PPP2R3A: variants seen among roughly 807,000 people sequenced by gnomAD.
PPP2R3A encodes the protein protein phosphatase 2 regulatory subunit B''alpha, also known as serine/threonine-protein phosphatase 2A regulatory subunit B'' subunit alpha.
In PPP2R3A, 80 loss-of-function variants were observed where a neutral mutation model predicts 106.9. The observed-to-expected ratio is 0.75, with a 90% CI of 0.62 to 0.90. The LOEUF (loss-of-function observed/expected upper bound fraction) is 0.90, where lower values mean the gene tolerates loss of function less well. Among genes scored for constraint, PPP2R3A ranks in the 40% least tolerant of loss-of-function variants. PPP2R3A has a pLI of 0.00. For synonymous variants in PPP2R3A, 483 were observed against 468.3 expected (o/e 1.03, Z -0.41); for missense variants, 1,386 against 1,350.4 (o/e 1.03, Z -0.41).
chr3:136,127,768 G>C (rs1246153116), intron 13 of PPP2R3A, among the ~76,000 whole-genome samples: 1 of 152,188 alleles, frequency 6.6e-6, no homozygotes, highest in Non-Finnish European at 1.5e-5. Context: ...AGAGAGAAAG[G>C]TCGGGTTACC....
intron 10 of PPP2R3A, among the ~76,000 whole-genome samples, chr3:136,098,667 A>G (rs528667107): frequency 6.6e-6 from 1 of 152,346 alleles, no homozygotes; most frequent in African/African-American, 2.4e-5. Flanking sequence ...GAAATGAGAA[A>G]TAATAACAAA....
chr3:136,074,815 C>T (rs28509770), intron 6 of PPP2R3A, among the ~76,000 whole-genome samples: 1 of 152,052 alleles, frequency 6.6e-6, no homozygotes, highest in Non-Finnish European at 1.5e-5. Context: ...ACTGCTCACA[C>T]TAAGAGCTTA....
chr3:136,124,016 A>G (rs1938092584), intron 13 of PPP2R3A, among the ~76,000 whole-genome samples: 1 of 152,248 alleles, frequency 6.6e-6, no homozygotes, highest in Non-Finnish European at 1.5e-5. Context: ...TGATAAATTC[A>G]AATGATTACA....
At chr3:136,074,055 C>T (rs1266289004) in intron 6 of PPP2R3A, among the ~76,000 whole-genome samples, 4 of 152,114 alleles carry the variant, frequency 2.6e-5, no homozygotes, top group Admixed American at 2.6e-4. Context: ...CCATGTGACT[C>T]TATTGAATGT....
At chr3:136,030,941 G>A (rs1934867280) in intron 3 of PPP2R3A, among the ~76,000 whole-genome samples, 1 of 151,932 alleles carries the variant, frequency 6.6e-6, no homozygotes, top group African/African-American at 2.4e-5. Flanking sequence ...GCATGTACAA[G>A]TATCTTTTTT....
intron 10 of PPP2R3A, among the ~76,000 whole-genome samples, chr3:136,090,902 A>C (rs1937079961): frequency 6.6e-6 from 1 of 152,244 alleles, no homozygotes; most frequent in Admixed American, 6.5e-5. Context: ...AGTGACATGT[A>C]AGCTGATGAC....
chr3:136,045,870 A>G (rs1935454088), intron 4 of PPP2R3A, among the ~76,000 whole-genome samples: 1 of 152,212 alleles, frequency 6.6e-6, no homozygotes, highest in Non-Finnish European at 1.5e-5. Context: ...AACCCAGTAC[A>G]GGATTCTGGC....
rs367701453 is a variant in PPP2R3A at position 136,100,623 on chromosome 3, G to A, written c.2928-1384G>A. ...GAACCCGGGAGGCAGAGGTTGCGGT[G>A]CCAAGATCACACCACTGCACTCCAG... is the stretch of plus-strand genomic sequence containing the variant. On this transcript the variant is annotated intron_variant, in intron 10 of 13. Transcript: ENST00000264977. Among the ~76,000 whole-genome samples, 12 of 152,166 alleles carry A rather than the reference G, an allele frequency of 7.9e-5. No homozygotes were observed. The East Asian group carries it at 1.9e-3, about 25-fold the overall frequency.
chr3:136,090,000 G>A (rs1001227304), intron 9 of PPP2R3A, among the ~76,000 whole-genome samples: 11 of 152,122 alleles, frequency 7.2e-5, no homozygotes, highest in African/African-American at 2.7e-4. Context: ...TTCTGAAAGC[G>A]TTTTGGCTTA....
At chr3:136,054,227 A>G (rs555034821) in intron 5 of PPP2R3A, among the ~76,000 whole-genome samples, 121 of 149,856 alleles carry the variant, frequency 8.1e-4, no homozygotes, top group African/African-American at 2.9e-3. Context: ...CTACTTTGCC[A>G]TGACAGCTCG....
At position 136,066,265 on chromosome 3, in the gene PPP2R3A, G is replaced by A. The variant is rs139489264; in HGVS notation, c.2470-4213G>A. The stretch of plus-strand genomic sequence containing the variant: ...TTATTTCAGAGTATTGAAAAGGAAG[G>A]AAAATTTCAAACTCCTTTTATGAAG... On this transcript the variant is annotated intron_variant, in intron 5 of 13. Transcript: ENST00000264977. Among the ~76,000 whole-genome samples the A allele has an allele frequency of 4.4e-4, 67 of 152,212 alleles. No homozygotes were observed. The East Asian group carries it at 0.012, about 27-fold the overall frequency.
At chr3:136,049,468 T>G (rs571356676) in intron 5 of PPP2R3A, 107 bp downstream of exon 5, 8 of 732,876 alleles carry the variant, frequency 1.1e-5, no homozygotes, top group Non-Finnish European at 1.8e-5. Flanking sequence ...GATCTAGATA[T>G]CAGATTCTAG....
At chr3:136,009,041 T>C (rs1390410195) in intron 2 of PPP2R3A, among the ~76,000 whole-genome samples, 1 of 151,928 alleles carries the variant, frequency 6.6e-6, no homozygotes, top group Non-Finnish European at 1.5e-5. Flanking sequence ...CCCTCCCAAC[T>C]CCTGAAATCG....
In PPP2R3A at chr3:136,101,859, C is replaced by T. The variant is rs182854405; in HGVS notation, c.2928-148C>T. On this transcript the variant is annotated intron_variant, in intron 10 of 13. Transcript: ENST00000264977. ...GGAAAAATAAAGGGAAGAAGGGGTC[C>T]GCCATTTTCTCTAACAAACTTTGTA... 8.4e-5 allele frequency: 74 copies of T among 884,202 alleles called. No individual in the cohort carries two copies. In the Middle Eastern group the frequency reaches 1.1e-3, roughly 13 times the overall value. The allele number at this position is 884,202 out of a possible 1,614,324, so 54.8% of individuals were successfully genotyped here.
intron 13 of PPP2R3A, among the ~76,000 whole-genome samples, chr3:136,118,307 G>A (rs1185265137): frequency 6.6e-6 from 1 of 152,162 alleles, no homozygotes; most frequent in African/African-American, 2.4e-5. Flanking sequence ...CATTCCCTTT[G>A]ATAACCAGCA....
intron 6 of PPP2R3A, among the ~76,000 whole-genome samples, chr3:136,075,062 A>T (rs943771580): frequency 6.6e-6 from 1 of 152,140 alleles, no homozygotes; most frequent in Non-Finnish European, 1.5e-5. Context: ...TGTAACTTCT[A>T]TGTCTGTATT....
In PPP2R3A at chr3:136,026,997, A is replaced by T; in HGVS notation, c.2161A>T (p.Thr721Ser). 6.2e-7 allele frequency: 1 copy of T among 1,612,640 alleles called. No homozygotes were observed. The highest frequency in any genetic ancestry group is 8.5e-7 in the Non-Finnish European group (1 of 1,178,716). The part of the protein sequence containing the change: ...RFYFPEGLPD[T>S]CSNHEQTLSR... ...CTACTTTCCTGAAGGACTCCCAGATACCTGTAGTAATCATGAACAAACTCT... is the reference window on the plus strand; with the variant it reads ...CTACTTTCCTGAAGGACTCCCAGATTCCTGTAGTAATCATGAACAAACTCT... The change falls in exon 3 of 14, where the codon ACC becomes TCC. Residue 721 changes from threonine (T) to serine (S), a missense_variant. Coordinates refer to ENST00000264977, the MANE Select transcript of PPP2R3A (RefSeq NM_002718.5).
rs202180474 is a variant in PPP2R3A at position 136,106,566 on chromosome 3, A to ACAAT, written c.3329+248_3329+251dup. ...TTTCACTGGAAACCGAGATCACTGA[A>ACAAT]CAATCAAACTACTGTTTTAGTGATA... is the stretch of plus-strand genomic sequence containing the variant. On this transcript the variant is annotated intron_variant, in intron 13 of 13. Coordinates refer to ENST00000264977, the MANE Select transcript of PPP2R3A (RefSeq NM_002718.5). 2.9e-3 allele frequency: 1,403 copies of ACAAT among 491,858 alleles called. 23 individuals are homozygous for ACAAT. Among genetic ancestry groups the ACAAT allele is most frequent in the African/African-American group, 0.026 (1,284 of 50,030 alleles). 30.5% of individuals were successfully genotyped at this position (491,858 alleles called of 1,614,324 possible).
At chr3:136,000,412 G>C (rs1559860227) in intron 1 of PPP2R3A, among the ~76,000 whole-genome samples, 1 of 152,164 alleles carries the variant, frequency 6.6e-6, no homozygotes, top group Non-Finnish European at 1.5e-5. Flanking sequence ...GAATGATTAA[G>C]TAAATTCTGT....
Sources: allele counts gnomAD v4.1 joint callset (sites outside exome capture counted in the v4.1 genomes callset), GRCh38; gene constraint gnomAD v4.1.1; transcripts MANE v1.5; gene names NCBI Gene and HGNC (gene_info 2026-07-23, HGNC 2026-07-21).